The following TTC39A variants were observed in gnomAD, a reference collection of about 807,000 sequenced individuals.
TTC39A encodes the protein tetratricopeptide repeat domain 39A, also known as tetratricopeptide repeat protein 39A.
Under a neutral mutation model 82.3 loss-of-function variants are expected in TTC39A, and 46 were observed. The ratio of observed to expected loss-of-function variants is 0.56; its 90% CI spans 0.44 to 0.71. The LOEUF is 0.71. Ranked by LOEUF, TTC39A falls within the 30% of genes least tolerant of loss-of-function variation. The pLI, the probability that TTC39A is intolerant of heterozygous loss-of-function variation, is 0.00. For missense variants in TTC39A, 543 were observed against 712.9 expected (o/e 0.76, Z 2.71); for synonymous variants, 254 against 275.2 (o/e 0.92, Z 0.76).
chr1:51,305,004 T>C (rs1644816262), intron 8 of TTC39A, 77 bp downstream of exon 8: 1 of 1,524,184 alleles, frequency 6.6e-7, no homozygotes, highest in African/African-American at 1.4e-5. Context: ...CCCTGTGGCC[T>C]GTCAGCCCCA....
intron 7 of TTC39A, 139 bp from the exon 8 acceptor site, chr1:51,305,285 C>A: frequency 1.3e-6 from 1 of 750,824 alleles, no homozygotes; most frequent in Non-Finnish European, 2.2e-6. Flanking sequence ...AGCCTCTAGC[C>A]AATGTTTTCC....
chr1:51,312,566 G>A (rs1312930440), intron 3 of TTC39A, among the ~76,000 whole-genome samples: 1 of 152,070 alleles, frequency 6.6e-6, no homozygotes, highest in Non-Finnish European at 1.5e-5. Context: ...CTACCCTCCT[G>A]CCCACCCAGG....
intron 1 of TTC39A, among the ~76,000 whole-genome samples, chr1:51,339,607 C>T (rs559222732): frequency 2.6e-5 from 4 of 152,182 alleles, no homozygotes; most frequent in South Asian, 4.2e-4. Flanking sequence ...TCCCTCACTC[C>T]CTTCTTCCTA....
At chr1:51,329,086 C>T (rs1207224888) in intron 1 of TTC39A, among the ~76,000 whole-genome samples, 1 of 152,286 alleles carries the variant, frequency 6.6e-6, no homozygotes, top group South Asian at 2.1e-4. Context: ...TGTCCTGAGG[C>T]CTGCAGCAGG....
At chr1:51,303,327 G>A in intron 8 of TTC39A, 135 bp from the exon 9 acceptor site, 2 of 711,534 alleles carry the variant, frequency 2.8e-6, no homozygotes, top group South Asian at 1.9e-5. Context: ...TCAGCTGTGT[G>A]GCCCTGAGCA....
In TTC39A at chr1:51,303,413, G is replaced by A. The variant is rs557975645; in HGVS notation, c.655-221C>T. 5.9e-5 allele frequency among the ~76,000 whole-genome samples: 9 copies of A among 152,352 alleles called. No individual in the cohort carries two copies. The East Asian group carries it at 1.7e-3, about 29-fold the overall frequency. ...CTGCCAAGGCCAGGACAAAGGCTTGGCGGGTCTGAGGTGTCCCCCACCTTC... is the reference window on the plus strand; with the variant it reads ...CTGCCAAGGCCAGGACAAAGGCTTGACGGGTCTGAGGTGTCCCCCACCTTC... On this transcript the variant is annotated intron_variant, in intron 8 of 17. Coordinates refer to ENST00000680483, the MANE Select transcript of TTC39A (RefSeq NM_001297663.2).
At position 51,321,334 on chromosome 1, in the gene TTC39A, G is replaced by T. The variant is rs533743183; in HGVS notation, c.146+387C>A. On this transcript the variant is annotated intron_variant, in intron 2 of 17. Transcript: ENST00000680483. This position sits in a 1 kb window ranked among gnomAD's most constrained non-coding sequence, Gnocchi z 4.6. ...CATGGCAGTGAGTACTCAAGGAAAT[G>T]GTCAAGTGAGCAGCCCTCTTGATTG... is the stretch of plus-strand genomic sequence containing the variant. Among the ~76,000 whole-genome samples the T allele has an allele frequency of 6.6e-6, 1 of 152,300 alleles. No individual in the cohort carries two copies. Among genetic ancestry groups the T allele is most frequent in the Admixed American group, 6.5e-5 (1 of 15,302 alleles).
At chr1:51,331,335 ATCT>A (rs1570015885), upstream of TTC39A, 25 of 1,516,496 alleles carry the variant, frequency 1.6e-5, no homozygotes, top group East Asian at 5.2e-4. Flanking sequence ...ACCTGACCTG[ATCT>A]TCTGGCACAG....
At chr1:51,344,923 G>T in intron 1 of TTC39A, 1 of 1,507,746 alleles carries the variant, frequency 6.6e-7, no homozygotes, top group Non-Finnish European at 8.9e-7. Context: ...CCCGACGTCG[G>T]CTGGGTCCTC....
intron 6 of TTC39A, among the ~76,000 whole-genome samples, chr1:51,308,077 A>C (rs1015959155): frequency 6.6e-6 from 1 of 152,078 alleles, no homozygotes; most frequent in Non-Finnish European, 1.5e-5. Flanking sequence ...TGGACTACTG[A>C]GCAGGTGTAG....
In TTC39A at chr1:51,303,068, C is replaced by G; in HGVS notation, c.763+16G>C. The G allele has an allele frequency of 6.4e-7, 1 of 1,571,964 alleles. No homozygotes were observed. The highest frequency in any genetic ancestry group is 8.6e-7 in the Non-Finnish European group (1 of 1,158,772). ...ACGACCAAACCCCAGGGCCCCAGGTCCCCCTGTACACCTACCGAGCACGAA... is the reference window on the plus strand; with the variant it reads ...ACGACCAAACCCCAGGGCCCCAGGTGCCCCTGTACACCTACCGAGCACGAA... On this transcript the variant is annotated intron_variant, in intron 9 of 17. Coordinates refer to ENST00000680483, the MANE Select transcript of TTC39A (RefSeq NM_001297663.2).
At chr1:51,324,197 C>A (rs1645628267) in intron 1 of TTC39A, among the ~76,000 whole-genome samples, 2 of 152,154 alleles carry the variant, frequency 1.3e-5, no homozygotes, top group South Asian at 4.1e-4. Context: ...TGCTGTCTAA[C>A]TTTGCTGGTG....
At chr1:51,312,278 C>T in intron 3 of TTC39A, 83 bp from the exon 4 acceptor site, 1 of 1,326,554 alleles carries the variant, frequency 7.5e-7, no homozygotes, top group Non-Finnish European at 1.0e-6. Context: ...CACCCTAGAA[C>T]ATTCCTAAAG....
chr1:51,318,134 C>T (rs538394796), intron 2 of TTC39A, among the ~76,000 whole-genome samples: 2 of 152,270 alleles, frequency 1.3e-5, no homozygotes, highest in East Asian at 1.9e-4. Flanking sequence ...ATGGCCTTAT[C>T]GGGGCTTCAG....
At chr1:51,319,157 C>T (rs1350605123) in intron 2 of TTC39A, among the ~76,000 whole-genome samples, 3 of 152,042 alleles carry the variant, frequency 2.0e-5, no homozygotes, top group African/African-American at 7.2e-5. Context: ...GAAGTTGGTG[C>T]ACCATAAACC....
At chr1:51,322,262 G>A in intron 1 of TTC39A, 1 of 1,466,128 alleles carries the variant, frequency 6.8e-7, no homozygotes, top group African/African-American at 1.4e-5. Context: ...CCCCAGGCCT[G>A]GACTCTAGAA....
chr1:51,323,567 T>A (rs929111511), intron 1 of TTC39A, among the ~76,000 whole-genome samples: 1 of 152,220 alleles, frequency 6.6e-6, no homozygotes, highest in Non-Finnish European at 1.5e-5. Context: ...TTCATGTCTC[T>A]TAACTAACTT....
chr1:51,293,353 C>G (rs189492627), intron 14 of TTC39A, among the ~76,000 whole-genome samples: 64 of 152,280 alleles, frequency 4.2e-4, no homozygotes, highest in African/African-American at 1.5e-3. Context: ...AGGCGTGAGC[C>G]ACCATGCCTG....
At chr1:51,336,556 G>A (rs978310502) in intron 1 of TTC39A, among the ~76,000 whole-genome samples, 6 of 152,136 alleles carry the variant, frequency 3.9e-5, no homozygotes, top group African/African-American at 1.4e-4. Context: ...ACTGAAAAAA[G>A]GGGTCAGAGC....
Sources: gnomAD v4.1 joint callset for allele counts (sites outside exome capture counted in the v4.1 genomes callset) on GRCh38, gnomAD v4.1.1 for gene constraint, Gnocchi (gnomAD v3.1) non-coding constraint, MANE v1.5 for transcripts, NCBI Gene and HGNC (gene_info 2026-07-23, HGNC 2026-07-21) for gene names.